The following PTPRM variants were observed in gnomAD, a reference collection of about 807,000 sequenced individuals.
PTPRM encodes the protein protein tyrosine phosphatase receptor type M.
Under a neutral mutation model 186.7 loss-of-function variants are expected in PTPRM, and 47 were observed. That is an observed-to-expected ratio of 0.25 (90% CI 0.20 to 0.32). The LOEUF (loss-of-function observed/expected upper bound fraction) is 0.32. Among genes scored for constraint, PTPRM ranks in the 10% least tolerant of loss-of-function variants. The pLI is 1.00. For synonymous variants in PTPRM, 668 were observed against 674.9 expected (o/e 0.99, Z 0.16); for missense variants, 1,494 against 1,865.0 (o/e 0.80, Z 3.66).
At chr18:7,732,543 G>T (rs1391364699) in intron 1 of PTPRM, among the ~76,000 whole-genome samples, 1 of 151,904 alleles carries the variant, frequency 6.6e-6, no homozygotes, top group Non-Finnish European at 1.5e-5. Context: ...TTGCTCTGTT[G>T]TTGCTCAGGC....
rs184179532 is a variant in PTPRM, at chr18:8,023,306, G to A, written c.1133-46380G>A. Among the ~76,000 whole-genome samples, 343 of 152,228 alleles carry A rather than the reference G, an allele frequency of 2.3e-3. 2 individuals are homozygous for A. The highest frequency in any genetic ancestry group is 0.01 in the Middle Eastern group (3 of 294). Reference sequence around the variant, plus strand: ...AATTTAGAGAGGACATTAATCCTTGGTAATATAATAATAAAGTACTTGTAT... The same window carrying A: ...AATTTAGAGAGGACATTAATCCTTGATAATATAATAATAAAGTACTTGTAT... On this transcript the variant is annotated intron_variant, in intron 7 of 32. Coordinates refer to ENST00000580170, the MANE Select transcript of PTPRM (RefSeq NM_001105244.2).
intron 11 of PTPRM, among the ~76,000 whole-genome samples, chr18:8,097,003 CT>C (rs1297261831): frequency 6.6e-6 from 1 of 152,146 alleles, no homozygotes; most frequent in Non-Finnish European, 1.5e-5. Context: ...CTGCTTCATC[CT>C]ATTTTGGTGG....
intron 14 of PTPRM, among the ~76,000 whole-genome samples, chr18:8,214,674 T>C (rs1303411012): frequency 6.6e-6 from 1 of 152,164 alleles, no homozygotes; most frequent in Non-Finnish European, 1.5e-5. Context: ...ATTTTATTTA[T>C]TTATTTTGAG....
intron 32 of PTPRM, chr18:8,404,263 A>G (rs2148656858): frequency 6.6e-6 from 1 of 152,312 alleles, no homozygotes. Context: ...TTCCACTGAC[A>G]TTAATCTCAT....
At chr18:8,406,031 C>A (rs2095904476) in intron 32 of PTPRM, 78 bp from the exon 33 acceptor site, 5 of 1,278,660 alleles carry the variant, frequency 3.9e-6, no homozygotes, top group South Asian at 1.2e-5. Context: ...CCATTAAGAC[C>A]CTACTCTATG....
At chr18:8,138,430 T>C (rs1393314828) in intron 13 of PTPRM, among the ~76,000 whole-genome samples, 1 of 152,102 alleles carries the variant, frequency 6.6e-6, no homozygotes, top group African/African-American at 2.4e-5. Context: ...CCTGGTTGGC[T>C]ACCAGCAGAT....
chr18:7,940,186 T>A (rs2052078035), intron 5 of PTPRM, among the ~76,000 whole-genome samples: 1 of 152,170 alleles, frequency 6.6e-6, no homozygotes, highest in Non-Finnish European at 1.5e-5. Context: ...TTTAGTCACT[T>A]GTTCAATGCC....
chr18:7,976,476 G>A (rs538680172), intron 7 of PTPRM, among the ~76,000 whole-genome samples: 13 of 152,312 alleles, frequency 8.5e-5, no homozygotes, highest in African/African-American at 2.2e-4. Context: ...CTGATTGTTC[G>A]TTGGTACGAT....
chr18:7,675,827 C>T (rs1339766484), intron 1 of PTPRM, among the ~76,000 whole-genome samples: 4 of 151,878 alleles, frequency 2.6e-5, no homozygotes, highest in Admixed American at 6.6e-5. Context: ...CTCTGCCTCC[C>T]GGGTTCAAGC....
chr18:8,100,360 T>G (rs575893), intron 11 of PTPRM, among the ~76,000 whole-genome samples: 7 of 152,122 alleles, frequency 4.6e-5, no homozygotes, highest in Non-Finnish European at 8.8e-5. Context: ...AAGCTGGTTG[T>G]GAACTCCTGA....
chr18:7,744,532 T>A (rs1423369191), intron 1 of PTPRM, among the ~76,000 whole-genome samples: 1 of 152,208 alleles, frequency 6.6e-6, no homozygotes, highest in Non-Finnish European at 1.5e-5. Context: ...AAGATCTATA[T>A]GATTGGCTTA....
intron 10 of PTPRM, among the ~76,000 whole-genome samples, chr18:8,086,451 G>A (rs1347073011): frequency 6.6e-6 from 1 of 152,120 alleles, no homozygotes; most frequent in Non-Finnish European, 1.5e-5. Context: ...AAATGTCTTT[G>A]TACTTCAGAC....
At chr18:7,699,828 T>A (rs2039922523) in intron 1 of PTPRM, among the ~76,000 whole-genome samples, 1 of 152,152 alleles carries the variant, frequency 6.6e-6, no homozygotes, top group South Asian at 2.1e-4. Context: ...CCGTGAACAC[T>A]TTATTGCTTT....
rs369760645 is a variant in PTPRM, at chr18:8,088,843, A to C, written c.1848A>C (p.Ala616=). Residue 616 remains alanine (A), a synonymous_variant, in exon 11 of 33, where the codon GCA becomes GCC. Coordinates refer to ENST00000580170, the MANE Select transcript of PTPRM (RefSeq NM_001105244.2). ...VMLKPAHSRG[A]PVSVYQIVVE... Reference sequence around the variant, plus strand: ...TGAAACCTGCCCACAGCAGAGGAGCACCTGTCAGGTATGGAACAGAGGGTT... The same window carrying C: ...TGAAACCTGCCCACAGCAGAGGAGCCCCTGTCAGGTATGGAACAGAGGGTT... 8.7e-6 allele frequency: 14 copies of C among 1,606,844 alleles called. No homozygotes were observed. In the African/African-American group the frequency reaches 1.9e-4, roughly 22 times the overall value.
chr18:8,291,310 A>G (rs1053194166), intron 19 of PTPRM, among the ~76,000 whole-genome samples: 1 of 152,240 alleles, frequency 6.6e-6, no homozygotes. Flanking sequence ...AGGCATAGAA[A>G]GATGCAAGGT....
intron 1 of PTPRM, among the ~76,000 whole-genome samples, chr18:7,601,340 C>G (rs1039691513): frequency 2.0e-5 from 3 of 152,198 alleles, no homozygotes; most frequent in Non-Finnish European, 4.4e-5. Context: ...TCACTACTCT[C>G]CCCCGGTGCA....
chr18:8,143,148 AC>A (rs904865202), intron 13 of PTPRM, among the ~76,000 whole-genome samples: 1 of 152,222 alleles, frequency 6.6e-6, no homozygotes, highest in Non-Finnish European at 1.5e-5. Flanking sequence ...GTGTTAAAAA[AC>A]AATTGCTGGT....
intron 23 of PTPRM, among the ~76,000 whole-genome samples, chr18:8,352,992 G>C (rs2095544191): frequency 6.6e-6 from 1 of 152,074 alleles, no homozygotes; most frequent in South Asian, 2.1e-4. Flanking sequence ...TTATGGCTAT[G>C]TAGAAAATGT....
chr18:7,851,655 T>C (rs1329770107), intron 2 of PTPRM, among the ~76,000 whole-genome samples: 1 of 115,244 alleles, frequency 8.7e-6, no homozygotes, highest in Non-Finnish European at 1.9e-5. Context: ...AAAAAAAAAC[T>C]GAGGCAATTA....
Sources: gnomAD v4.1 joint callset for allele counts (sites outside exome capture counted in the v4.1 genomes callset) on GRCh38, gnomAD v4.1.1 for gene constraint, MANE v1.5 for transcripts, NCBI Gene and HGNC (gene_info 2026-07-23, HGNC 2026-07-21) for gene names.